Variants in TRAK1 observed in about 807,000 individuals in gnomAD.
TRAK1 encodes the protein trafficking kinesin protein 1.
A neutral mutation model predicts 92.1 loss-of-function variants in TRAK1; 33 were observed. That is an observed-to-expected ratio of 0.36 (90% CI 0.27 to 0.48). The LOEUF (loss-of-function observed/expected upper bound fraction) is 0.48. Among genes scored for constraint, TRAK1 ranks in the 20% least tolerant of loss-of-function variants. The probability of loss-of-function intolerance (pLI) is 0.99; values close to 1 mark genes in which losing one functional copy is unlikely to be tolerated. For missense variants in TRAK1, 1,123 were observed against 1,257.9 expected (o/e 0.89, Z 1.62); for synonymous variants, 521 against 517.3 (o/e 1.01, Z -0.10).
chr3:42,049,324 TTCA>T (rs201494192), intron 1 of TRAK1, among the ~76,000 whole-genome samples: 14,669 of 142,122 alleles, frequency 0.1, 2,387 homozygotes, highest in African/African-American at 0.38. Flanking sequence ...TTTTATGTCA[TTCA>T]TTTTTTTTTT....
At chr3:42,117,635 T>C (rs1009773793) in intron 1 of TRAK1, among the ~76,000 whole-genome samples, 1 of 152,128 alleles carries the variant, frequency 6.6e-6, no homozygotes, top group Non-Finnish European at 1.5e-5. Flanking sequence ...GTCCCTGTTC[T>C]CCTGGGCTTA....
At position 42,029,374 on chromosome 3, in the gene TRAK1, G is replaced by T. The variant is rs1471567588; in HGVS notation, c.-519+15257G>T. On this transcript the variant is annotated intron_variant, in intron 1 of 16. Coordinates refer to the TRAK1 transcript ENST00000487159. Reference sequence around the variant, plus strand: ...CCACCTCAGCCCCTCCAGTAGCTGGGACTGCAGGTGCGCGCCACCATGCCT... The same window carrying T: ...CCACCTCAGCCCCTCCAGTAGCTGGTACTGCAGGTGCGCGCCACCATGCCT... Among the ~76,000 whole-genome samples, 5 of 152,208 alleles carry T rather than the reference G, an allele frequency of 3.3e-5. No homozygotes were observed. In the East Asian group the frequency reaches 9.7e-4, roughly 29 times the overall value.
chr3:42,049,173 G>A (rs1308837237), intron 1 of TRAK1, among the ~76,000 whole-genome samples: 1 of 152,222 alleles, frequency 6.6e-6, no homozygotes, highest in African/African-American at 2.4e-5. Context: ...GCACCCAGCA[G>A]GGATGTTATT....
intron 1 of TRAK1, among the ~76,000 whole-genome samples, chr3:42,068,562 T>TGACACA (rs1207190325): frequency 6.6e-6 from 1 of 152,230 alleles, no homozygotes; most frequent in Non-Finnish European, 1.5e-5. Context: ...CTTTGAGTTT[T>TGACACA]ACCGTGTTCC....
chr3:42,179,328 TC>T (rs1263576446), intron 3 of TRAK1, among the ~76,000 whole-genome samples: 2 of 152,238 alleles, frequency 1.3e-5, no homozygotes, highest in Admixed American at 1.3e-4. Context: ...TGGCTCTGTT[TC>T]TTCTGTTCTC....
intron 1 of TRAK1, among the ~76,000 whole-genome samples, chr3:42,024,588 A>C (rs1309436541): frequency 2.0e-5 from 3 of 152,254 alleles, no homozygotes; most frequent in African/African-American, 7.2e-5. Flanking sequence ...ACAAGATATA[A>C]AGCACCATGT....
intron 2 of TRAK1, among the ~76,000 whole-genome samples, chr3:42,172,595 T>A (rs1371382766): frequency 6.6e-6 from 1 of 152,128 alleles, no homozygotes; most frequent in Non-Finnish European, 1.5e-5. Context: ...TCTCTAGTGG[T>A]TTTCCATTTA....
At chr3:42,014,070 C>T (rs1701413908) in exon 1 of TRAK1, 1 of 151,920 alleles carries the variant, frequency 6.6e-6, no homozygotes, top group Non-Finnish European at 1.5e-5. Flanking sequence ...ACCGAGGCCC[C>T]CCGGCACCGC....
intron 1 of TRAK1, among the ~76,000 whole-genome samples, chr3:42,053,916 A>G (rs1703088827): frequency 6.6e-6 from 1 of 152,152 alleles, no homozygotes; most frequent in Admixed American, 6.5e-5. Flanking sequence ...TTAAGCTGTG[A>G]CAAAAGATAC....
chr3:42,218,804 G>T (rs1710000558), intron 14 of TRAK1: 1 of 985,264 alleles, frequency 1.0e-6, no homozygotes. Flanking sequence ...AGCAGCTAGG[G>T]GGTATGGGGA....
chr3:42,104,222 T>C (rs1376485301), intron 1 of TRAK1, among the ~76,000 whole-genome samples: 1 of 152,072 alleles, frequency 6.6e-6, no homozygotes, highest in Non-Finnish European at 1.5e-5. Flanking sequence ...TGCCTGCCTC[T>C]GTAGGGAGGC....
At position 42,199,177 on chromosome 3, in the gene TRAK1, G is replaced by A; in HGVS notation, c.1114G>A (p.Asp372Asn). ...RYHSLGLFPMDSLAAEIEGTM... is the reference protein window; with the variant it reads ...RYHSLGLFPMNSLAAEIEGTM... The stretch of plus-strand genomic sequence containing the variant: ...CATTTGTCTTTCTGGCTTTTCCCAG[G>A]ATTCCTTGGCAGCAGAGATTGAGGG... The change falls in exon 11 of 16, where the codon GAT becomes AAT. Residue 372 changes from aspartate to asparagine, a missense_variant and splice_region_variant. By Grantham distance (23) the Asp-to-Asn change is conservative. This residue lies in a region of TRAK1 where 686 missense variants were observed against 747.6 expected (regional missense o/e 0.92). Coordinates refer to ENST00000327628, the MANE Select transcript of TRAK1 (RefSeq NM_001042646.3). 6.2e-7 allele frequency: 1 copy of A among 1,613,422 alleles called. No homozygotes were observed.
intron 13 of TRAK1, chr3:42,203,819 A>AG: frequency 3.6e-6 from 3 of 833,500 alleles, no homozygotes; most frequent in Non-Finnish European, 4.3e-6. Context: ...CTATATGTAT[A>AG]TACATAAACA....
At chr3:42,060,708 A>T (rs983154042) in intron 1 of TRAK1, among the ~76,000 whole-genome samples, 1 of 149,048 alleles carries the variant, frequency 6.7e-6, no homozygotes, top group Non-Finnish European at 1.5e-5. Flanking sequence ...ACGCACTGCA[A>T]CCTCCGCCTT....
chr3:42,043,655 A>G (rs1384595396), intron 1 of TRAK1, among the ~76,000 whole-genome samples: 1 of 150,650 alleles, frequency 6.6e-6, no homozygotes, highest in African/African-American at 2.4e-5. Context: ...CCTGGTTTTC[A>G]TGGTCTCAGG....
chr3:42,076,770 C>G (rs975950364), intron 1 of TRAK1, among the ~76,000 whole-genome samples: 1 of 152,116 alleles, frequency 6.6e-6, no homozygotes, highest in Non-Finnish European at 1.5e-5. Flanking sequence ...TTAGCTTTTA[C>G]ATTTTATTCT....
intron 1 of TRAK1, among the ~76,000 whole-genome samples, chr3:42,047,250 T>C (rs116019115): frequency 0.011 from 1,700 of 149,336 alleles, 45 homozygotes; most frequent in African/African-American, 0.04. Context: ...GGCTGGATTG[T>C]AGTGGCATGA....
chr3:42,086,311 C>CTTTCTTTTTTTT (rs1553711095), upstream of TRAK1, among the ~76,000 whole-genome samples: 3 of 140,476 alleles, frequency 2.1e-5, no homozygotes, highest in Non-Finnish European at 4.6e-5. Context: ...CTTTTTCTTT[C>CTTTCTTTTTTTT]TTTTTTTTTT....
chr3:42,218,673 A>G (rs1389675165), intron 14 of TRAK1: 3 of 985,250 alleles, frequency 3.0e-6, no homozygotes, highest in Non-Finnish European at 3.6e-6. Context: ...TGCAGACCAT[A>G]GTCTTCAGCC....
Sources: gnomAD v4.1 joint callset for allele counts (sites outside exome capture counted in the v4.1 genomes callset) on GRCh38, gnomAD v4.1.1 for gene constraint, gnomAD v4.1.1 regional missense constraint, MANE v1.5 for transcripts, NCBI Gene and HGNC (gene_info 2026-07-23, HGNC 2026-07-21) for gene names.